Variants in CRISPLD1 observed in about 807,000 individuals in gnomAD.
CRISPLD1 encodes cysteine-rich secretory protein LCCL domain-containing 1.
A neutral mutation model predicts 77.5 loss-of-function variants in CRISPLD1; 60 were observed. The observed-to-expected ratio is 0.77, with a 90% CI of 0.63 to 0.96. The LOEUF is 0.96. Among genes scored for constraint, CRISPLD1 ranks in the 40% least tolerant of loss-of-function variants. The pLI is 0.00. For missense variants in CRISPLD1, 623 were observed against 615.8 expected, an observed-to-expected ratio of 1.01 and a Z score of -0.12; for synonymous variants, 195 against 200.1, an observed-to-expected ratio of 0.97 and a Z score of 0.22.
At chr8:74,997,798 A>G (rs1377937163) in intron 2 of CRISPLD1, among the ~76,000 whole-genome samples, 2 of 152,204 alleles carry the variant, frequency 1.3e-5, no homozygotes, top group African/African-American at 4.8e-5. Context: ...GCTGAGAATG[A>G]GATGAAGAAG....
chr8:75,000,407 TA>T, intron 2 of CRISPLD1: 4 of 985,340 alleles, frequency 4.1e-6, no homozygotes, highest in Non-Finnish European at 4.8e-6. Context: ...GTACTGTGAA[TA>T]AGTGAGTACA....
chr8:75,021,814 G>GA (rs928927343), intron 12 of CRISPLD1, among the ~76,000 whole-genome samples: 4 of 151,926 alleles, frequency 2.6e-5, no homozygotes, highest in African/African-American at 4.8e-5. Flanking sequence ...CATAATATGT[G>GA]AAAAAAACCC....
Position 75,032,277 on chromosome 8 carries a change from T to C in CRISPLD1, c.*35T>C. 1 of 1,506,846 alleles carries C rather than the reference T, an allele frequency of 6.6e-7. No individual in the cohort carries two copies. Among genetic ancestry groups the C allele is most frequent in the South Asian group, 1.2e-5 (1 of 84,938 alleles). 93.3% of individuals were successfully genotyped at this position (1,506,846 alleles called of 1,614,324 possible). On this transcript the variant is annotated 3_prime_UTR_variant, in exon 15 of 15. Coordinates refer to ENST00000262207, the MANE Select transcript of CRISPLD1 (RefSeq NM_031461.6). The stretch of plus-strand genomic sequence containing the variant: ...CTTGGAAGAGGACCATAAAGACTAT[T>C]CCAAATGCAATATTTCTGAATTTTG...
At chr8:75,003,825 A>G (rs1429553742) in intron 2 of CRISPLD1, among the ~76,000 whole-genome samples, 11 of 152,210 alleles carry the variant, frequency 7.2e-5, no homozygotes. Context: ...GAAATTCTAT[A>G]GAAAATGTAA....
chr8:75,017,212 T>G, intron 9 of CRISPLD1, 99 bp downstream of exon 9: 1 of 1,518,630 alleles, frequency 6.6e-7, no homozygotes, highest in South Asian at 1.2e-5. Context: ...ATAGATATTT[T>G]GCTCAGAAAT....
chr8:75,012,780 G>C, intron 3 of CRISPLD1, 110 bp from the exon 4 acceptor site: 2 of 1,272,798 alleles, frequency 1.6e-6, no homozygotes, highest in Non-Finnish European at 2.2e-6. Context: ...AAGTTTAATA[G>C]TTTACGCCAA....
intron 2 of CRISPLD1, among the ~76,000 whole-genome samples, chr8:74,990,293 AAAAAG>A (rs1166803215): frequency 6.6e-6 from 1 of 151,968 alleles, no homozygotes; most frequent in Non-Finnish European, 1.5e-5. Flanking sequence ...TTAAAAAAAA[AAAAAG>A]AAAACAAACC....
intron 6 of CRISPLD1, among the ~76,000 whole-genome samples, 163 bp from the exon 7 acceptor site, chr8:75,016,402 C>T (rs189230594): frequency 2.6e-5 from 4 of 152,246 alleles, no homozygotes; most frequent in Admixed American, 2.6e-4. Flanking sequence ...TATTCCACTG[C>T]AGTACCTAAG....
Position 74,991,278 on chromosome 8 carries a change from G to A in CRISPLD1, c.258+5033G>A, listed in dbSNP as rs570340731. Among the ~76,000 whole-genome samples, 11 of 152,174 alleles carry A rather than the reference G, an allele frequency of 7.2e-5. No homozygotes were observed. The South Asian group carries it at 2.1e-3, about 29-fold the overall frequency. On this transcript the variant is annotated intron_variant, in intron 2 of 14. Transcript: ENST00000262207. The stretch of plus-strand genomic sequence containing the variant: ...CCTACAGTGCTGGCATTACAGATGT[G>A]AGCCACCATGCCAGTCTTTGTACCT...
chr8:75,003,871 A>G (rs10096008), intron 2 of CRISPLD1, among the ~76,000 whole-genome samples: 152,219 of 152,262 alleles, frequency 1, 76,088 homozygotes, highest in Middle Eastern at 1. Flanking sequence ...TGGCTTTGCT[A>G]TCCCACAAAG....
intron 2 of CRISPLD1, among the ~76,000 whole-genome samples, chr8:75,012,128 A>G (rs1384204961): frequency 6.6e-6 from 1 of 152,010 alleles, no homozygotes; most frequent in Non-Finnish European, 1.5e-5. Context: ...CGGACCTTGG[A>G]CTTTATGTAT....
chr8:74,992,866 A>G (rs1372227426), intron 2 of CRISPLD1, among the ~76,000 whole-genome samples: 1 of 132,440 alleles, frequency 7.6e-6, no homozygotes, highest in Non-Finnish European at 1.6e-5. Context: ...TTGGTTACTT[A>G]TGTTCTTTCT....
intron 12 of CRISPLD1, 67 bp downstream of exon 12, chr8:75,020,146 C>G (rs887850958): frequency 3.2e-5 from 41 of 1,271,466 alleles, no homozygotes; most frequent in Non-Finnish European, 4.6e-5. Context: ...ATTCTGATGT[C>G]TCTGGGATTC....
intron 4 of CRISPLD1, 112 bp downstream of exon 4, chr8:75,013,134 T>G: frequency 1.3e-6 from 1 of 786,684 alleles, no homozygotes; most frequent in Non-Finnish European, 1.8e-6. Flanking sequence ...TTAAAAAAAT[T>G]TATATGGATA....
intron 2 of CRISPLD1, among the ~76,000 whole-genome samples, chr8:75,006,470 A>AT (rs1170924148): frequency 2.0e-5 from 3 of 151,998 alleles, no homozygotes; most frequent in Non-Finnish European, 2.9e-5. Flanking sequence ...TATTTAAGAC[A>AT]TTTTTCTCAG....
At chr8:75,002,963 T>C (rs1056553136) in intron 2 of CRISPLD1, among the ~76,000 whole-genome samples, 18 of 152,172 alleles carry the variant, frequency 1.2e-4, no homozygotes, top group Non-Finnish European at 2.1e-4. Flanking sequence ...TTGAGGAAAA[T>C]AATGCTATAG....
intron 2 of CRISPLD1, among the ~76,000 whole-genome samples, chr8:75,012,144 G>A (rs1287267564): frequency 6.6e-6 from 1 of 152,048 alleles, no homozygotes; most frequent in African/African-American, 2.4e-5. Flanking sequence ...TGTATATGGG[G>A]ATTTGTTTTA....
chr8:75,019,247 A>G (rs1813090796), intron 10 of CRISPLD1, among the ~76,000 whole-genome samples: 1 of 152,140 alleles, frequency 6.6e-6, no homozygotes, highest in Non-Finnish European at 1.5e-5. Context: ...ATGTATTCAG[A>G]GAGTGTACCA....
intron 2 of CRISPLD1, among the ~76,000 whole-genome samples, chr8:74,989,467 C>T (rs2128780605): frequency 6.6e-6 from 1 of 152,118 alleles, no homozygotes; most frequent in Middle Eastern, 3.4e-3. Flanking sequence ...TAGTCAGCAA[C>T]CATTCTAGGC....
Sources: gnomAD v4.1 joint callset for allele counts (sites outside exome capture counted in the v4.1 genomes callset) on GRCh38, gnomAD v4.1.1 for gene constraint, MANE v1.5 for transcripts, NCBI Gene and HGNC (gene_info 2026-07-23, HGNC 2026-07-21) for gene names.